ARHGEF1: variants seen among roughly 807,000 people sequenced by gnomAD.
The protein encoded by ARHGEF1 is Rho guanine nucleotide exchange factor 1, also known as 115 kDa guanine nucleotide exchange factor.
A neutral mutation model predicts 119.7 loss-of-function variants in ARHGEF1; 40 were observed. The observed-to-expected ratio is 0.33, with a 90% CI of 0.26 to 0.44. The LOEUF is 0.44. ARHGEF1 is among the 20% of genes least tolerant of loss of function. ARHGEF1 has a pLI of 1.00. For synonymous variants in ARHGEF1, 494 were observed against 521.0 expected, an observed-to-expected ratio of 0.95 and a Z score of 0.71; for missense variants, 976 against 1,268.3, an observed-to-expected ratio of 0.77 and a Z score of 3.50.
chr19:41,923,439 AAG>A (rs2074852949), intron 1 of ARHGEF1, among the ~76,000 whole-genome samples: 2 of 151,518 alleles, frequency 1.3e-5, no homozygotes, highest in African/African-American at 4.8e-5. Context: ...ACAGAGAACA[AAG>A]AGAGACTGGG....
At chr19:41,899,578 C>T (rs1269688764) in intron 14 of ARHGEF1, among the ~76,000 whole-genome samples, 2 of 147,720 alleles carry the variant, frequency 1.4e-5, no homozygotes, top group South Asian at 2.1e-4. Context: ...GGCACAATCT[C>T]GGCTCACCAC....
exon 3 of ARHGEF1, chr19:41,930,104 C>T (rs1368884542): frequency 6.6e-6 from 1 of 152,174 alleles, no homozygotes; most frequent in Admixed American, 6.5e-5. Flanking sequence ...TTGCTGCTTC[C>T]GAATAATCTC....
chr19:41,922,988 A>C (rs1246323146), upstream of ARHGEF1: 1 of 370,176 alleles, frequency 2.7e-6, no homozygotes, highest in African/African-American at 2.1e-5. Context: ...AGCCAGGTGA[A>C]GGGAATGTGA....
Position 41,901,917 on chromosome 19 carries a change from G to A in ARHGEF1, c.1298G>A (p.Arg433His), listed in dbSNP as rs1555849078. 5.0e-6 allele frequency: 8 copies of A among 1,612,414 alleles called. No individual in the cohort carries two copies. The highest frequency in any genetic ancestry group is 1.3e-5 in the African/African-American group (1 of 74,916). Residue 433 changes from arginine (R) to histidine (H), a missense_variant, in exon 15 of 29, where the codon CGC (arginine) becomes CAC (histidine). By Grantham distance (29) the Arg-to-His change is conservative (BLOSUM62 0). Around this residue, in one of 3 missense-constraint regions of ARHGEF1, gnomAD observed 286 missense variants for 506.8 expected, o/e 0.56. Coordinates refer to ENST00000354532, the MANE Select transcript of ARHGEF1 (RefSeq NM_004706.4). ...CTGGTGACAGAGGCGGCCCACGTGCGCATGCTGCGGGTGCTGCACGACCTC... is the reference window on the plus strand; with the variant it reads ...CTGGTGACAGAGGCGGCCCACGTGCACATGCTGCGGGTGCTGCACGACCTC... ...ELLVTEAAHV[R>H]MLRVLHDLFF...
At chr19:41,895,547 T>C in intron 12 of ARHGEF1, 61 bp downstream of exon 12, 1 of 1,515,376 alleles carries the variant, frequency 6.6e-7, no homozygotes, top group Non-Finnish European at 8.9e-7. Context: ...GGGTGCTGCC[T>C]GCCCCCTTGG....
chr19:41,905,074 C>A lies in ARHGEF1; in HGVS notation c.2249+38C>A, dbSNP rs1053369089. ...CTGAGTTCTGAGTGTGGGTGGAGGA[C>A]GCCCAGGTTTCTGGGTTCCCAGGGA... On this transcript the variant is annotated intron_variant, in intron 23 of 28. Transcript: ENST00000354532. This position sits in a 1 kb window ranked among gnomAD's most constrained non-coding sequence, Gnocchi z 6.4. The A allele has an allele frequency of 6.2e-7, 1 of 1,611,818 alleles. No homozygotes were observed. The highest frequency in any genetic ancestry group is 8.5e-7 in the Non-Finnish European group (1 of 1,177,972).
downstream of ARHGEF1, chr19:41,908,069 A>AC (rs1364313600): frequency 1.9e-3 from 929 of 483,930 alleles, no homozygotes; most frequent in African/African-American, 1.0e-2. This position sits in a 1 kb window ranked among gnomAD's most constrained non-coding sequence, Gnocchi z 6.7. Flanking sequence ...GGGAAGTGAG[A>AC]CCCCCCCCAC....
Position 41,905,648 on chromosome 19 carries a change from C to T in ARHGEF1, c.2337-112C>T, listed in dbSNP as rs548694242. ...TCTCCCTGTCTCCCGGCCTCGACCT[C>T]TGTCTCTGTCTCCGGACCTCCCTGC... is the stretch of plus-strand genomic sequence containing the variant. On this transcript the variant is annotated intron_variant, in intron 24 of 28. Coordinates refer to ENST00000354532, the MANE Select transcript of ARHGEF1 (RefSeq NM_004706.4). This position sits in a 1 kb window ranked among gnomAD's most constrained non-coding sequence, Gnocchi z 6.4. 1.8e-6 allele frequency: 2 copies of T among 1,125,280 alleles called. No individual in the cohort carries two copies. The highest frequency in any genetic ancestry group is 1.5e-5 in the African/African-American group (1 of 64,822). The allele number at this position is 1,125,280 out of a possible 1,614,324, so 69.7% of individuals were successfully genotyped here.
rs939888648 is a variant in ARHGEF1 at position 41,917,915 on chromosome 19, G to A, written c.1866-5177G>A. Among the ~76,000 whole-genome samples the A allele has an allele frequency of 6.6e-6, 1 of 151,864 alleles. No homozygotes were observed. The highest frequency in any genetic ancestry group is 1.5e-5 in the Non-Finnish European group (1 of 67,978). ...TGGGTGCACGAAGCCAGCTCCCCGC[G>A]GTCACACACTGTGTGTGTGTGTGCT... On this transcript the variant is annotated intron_variant, in intron 18 of 20. Transcript: ENST00000599589. The surrounding 1 kb of genome is among the most constrained non-coding windows in gnomAD (Gnocchi z 4.8).
Position 41,902,809 on chromosome 19 carries a change from G to A in ARHGEF1, c.1649G>A (p.Arg550His). Residue 550 changes from arginine to histidine, a missense_variant, in exon 18 of 29, where the codon CGC (arginine) becomes CAC (histidine). Physicochemically the swap from Arg to His is conservative, Grantham distance 29. Around this residue, in one of 3 missense-constraint regions of ARHGEF1, gnomAD observed 286 missense variants for 506.8 expected, o/e 0.56. Coordinates refer to ENST00000354532, the MANE Select transcript of ARHGEF1 (RefSeq NM_004706.4). The surrounding 1 kb of genome is among the most constrained non-coding windows in gnomAD (Gnocchi z 6.5). ...VQEAESRPRCRRLQLKDMIPT... is the reference protein window; with the variant it reads ...VQEAESRPRCHRLQLKDMIPT... Reference sequence around the variant, plus strand: ...GAAGCTGAGAGCCGCCCGCGGTGCCGCCGCCTGCAGCTGAAGGACATGATC... The same window carrying A: ...GAAGCTGAGAGCCGCCCGCGGTGCCACCGCCTGCAGCTGAAGGACATGATC... The A allele has an allele frequency of 6.2e-6, 10 of 1,612,908 alleles. No individual in the cohort carries two copies. Among genetic ancestry groups the A allele is most frequent in the Non-Finnish European group, 8.5e-6 (10 of 1,179,982 alleles).
intron 14 of ARHGEF1, 109 bp downstream of exon 14, chr19:41,898,696 A>G: frequency 7.3e-7 from 1 of 1,374,956 alleles, no homozygotes; most frequent in Non-Finnish European, 9.6e-7. Context: ...TACCATCGGG[A>G]GAACTTGAAG....
Position 41,888,663 on chromosome 19 carries a change from A to C in ARHGEF1, c.112-89A>C. On this transcript the variant is annotated intron_variant, in intron 3 of 28. Coordinates refer to ENST00000354532, the MANE Select transcript of ARHGEF1 (RefSeq NM_004706.4). This position sits in a 1 kb window ranked among gnomAD's most constrained non-coding sequence, Gnocchi z 5.1. ...TTCCCAGGAGCTAACCCTGGCTTGG[A>C]TCCCTTGTGAAGTGCCAGGAATGGG... The C allele has an allele frequency of 7.9e-7, 1 of 1,270,498 alleles. No homozygotes were observed. Among genetic ancestry groups the C allele is most frequent in the East Asian group, 2.4e-5 (1 of 42,154 alleles). 78.7% of individuals were successfully genotyped at this position (1,270,498 alleles called of 1,614,324 possible). A position where few individuals can be genotyped will look rare whatever the true frequency, so the allele number is the denominator to read the frequency against.
At chr19:41,924,940 A>G (rs150357061) in intron 1 of ARHGEF1, among the ~76,000 whole-genome samples, 9 of 152,266 alleles carry the variant, frequency 5.9e-5, no homozygotes, top group African/African-American at 2.2e-4. Context: ...TGAACATAGC[A>G]GAGAATGGGG....
chr19:41,926,035 T>G (rs1191376853), intron 1 of ARHGEF1, among the ~76,000 whole-genome samples: 1 of 151,116 alleles, frequency 6.6e-6, no homozygotes, highest in Non-Finnish European at 1.5e-5. Flanking sequence ...GAGGAAGAGG[T>G]GAAGAAATAC....
intron 12 of ARHGEF1, among the ~76,000 whole-genome samples, chr19:41,895,969 A>G (rs1171844023): frequency 4.6e-5 from 7 of 152,174 alleles, no homozygotes; most frequent in Non-Finnish European, 1.0e-4. Context: ...TATCTTGGAT[A>G]TGACTCCCCT....
intron 14 of ARHGEF1, among the ~76,000 whole-genome samples, chr19:41,899,466 T>C (rs1443648233): frequency 2.0e-5 from 3 of 152,048 alleles, no homozygotes; most frequent in Admixed American, 6.6e-5. Flanking sequence ...CTTTGCTAAT[T>C]GTGTGGTGGC....
Position 41,904,046 on chromosome 19 carries a change from C to A in ARHGEF1, c.1929C>A (p.Ile643=). Residue 643 remains isoleucine (I), a synonymous_variant, in exon 21 of 29, where the codon ATC becomes ATA. Coordinates refer to ENST00000354532, the MANE Select transcript of ARHGEF1 (RefSeq NM_004706.4). This position sits in a 1 kb window ranked among gnomAD's most constrained non-coding sequence, Gnocchi z 8.4. ...CCCTCCTGCCCCAGAACCTGGACATCACCAAGAAGAAATTGGTCCACGAGG... is the reference window on the plus strand; with the variant it reads ...CCCTCCTGCCCCAGAACCTGGACATAACCAAGAAGAAATTGGTCCACGAGG... ...PMLSEFKNLD[I]TKKKLVHEGP... 1 of 1,614,000 alleles carries A rather than the reference C, an allele frequency of 6.2e-7. No individual in the cohort carries two copies. The highest frequency in any genetic ancestry group is 8.5e-7 in the Non-Finnish European group (1 of 1,179,984).
downstream of ARHGEF1, chr19:41,908,186 C>T: frequency 8.1e-7 from 1 of 1,229,336 alleles, no homozygotes. This position sits in a 1 kb window ranked among gnomAD's most constrained non-coding sequence, Gnocchi z 6.7. Flanking sequence ...CGGGCAGCCA[C>T]CCTGGTCCCT....
rs1555850388 is a variant in ARHGEF1 at position 41,906,891 on chromosome 19, C to G, written c.*17+88C>G. On this transcript the variant is annotated intron_variant, in intron 28 of 28. Coordinates refer to ENST00000354532, the MANE Select transcript of ARHGEF1 (RefSeq NM_004706.4). This position sits in a 1 kb window ranked among gnomAD's most constrained non-coding sequence, Gnocchi z 4.5. ...CATCCCTACAGCCCCTTCTGTCCAT[C>G]TCCCTCTTTGTCTTTTCTGAATCTC... 9.1e-7 allele frequency: 1 copy of G among 1,096,978 alleles called. No individual in the cohort carries two copies. Among genetic ancestry groups the G allele is most frequent in the Non-Finnish European group, 1.3e-6 (1 of 775,160 alleles). The allele number at this position is 1,096,978 out of a possible 1,614,324, so 68.0% of individuals were successfully genotyped here. A position where few individuals can be genotyped will look rare whatever the true frequency, so the allele number is the denominator to read the frequency against.
Sources: gnomAD v4.1 joint callset for allele counts (sites outside exome capture counted in the v4.1 genomes callset) on GRCh38, gnomAD v4.1.1 for gene constraint, gnomAD v4.1.1 regional missense constraint, Gnocchi (gnomAD v3.1) non-coding constraint, MANE v1.5 for transcripts, NCBI Gene and HGNC (gene_info 2026-07-23, HGNC 2026-07-21) for gene names.